The following CHD9 variants were observed in gnomAD, a reference collection of about 807,000 sequenced individuals.
CHD9 encodes the protein ATP-dependent chromatin remodeler CHD9.
Under a neutral mutation model 316.1 loss-of-function variants are expected in CHD9, and 77 were observed. That is an observed-to-expected ratio of 0.24 (90% confidence interval 0.20 to 0.29). The LOEUF is 0.29. CHD9 is among the 10% of genes least tolerant of loss of function. The pLI is 1.00. For missense variants in CHD9, 2,763 were observed against 3,438.1 expected, an observed-to-expected ratio of 0.80 and a Z score of 4.91; for synonymous variants, 1,129 against 1,158.3, an observed-to-expected ratio of 0.97 and a Z score of 0.51.
At chr16:53,070,532 C>CCTCT (rs113097253) in intron 1 of CHD9, among the ~76,000 whole-genome samples, 8 of 20,508 alleles carry the variant, frequency 3.9e-4, no homozygotes, top group Admixed American at 2.3e-3. Flanking sequence ...TTCCTTCCTT[C>CCTCT]CTCTCTCTCT....
chr16:53,128,184 AT>A (rs11289019), intron 1 of CHD9, among the ~76,000 whole-genome samples: 43,658 of 148,656 alleles, frequency 0.29, 6,362 homozygotes, highest in African/African-American at 0.31. Flanking sequence ...GAATGGAGAC[AT>A]TTTTTTTTTT....
chr16:53,115,182 C>T (rs2038196016), intron 1 of CHD9, among the ~76,000 whole-genome samples: 2 of 152,106 alleles, frequency 1.3e-5, no homozygotes, highest in African/African-American at 4.8e-5. Context: ...TTTATAGCAG[C>T]CTAGAGAATG....
rs754035901 is a variant in CHD9, at chr16:53,157,232, T to C, written c.1143T>C (p.Asn381=). ...MGHFNDHVET[N]GFSSLEENLL... ...ATTTCAATGATCATGTAGAAACTAATGGCTTTTCATCTTTAGAAGAGAATT... is the reference window on the plus strand; with the variant it reads ...ATTTCAATGATCATGTAGAAACTAACGGCTTTTCATCTTTAGAAGAGAATT... Residue 381 remains asparagine, a synonymous_variant, in exon 2 of 39, where the codon AAT becomes AAC. Transcript: ENST00000447540. 5 of 1,600,398 alleles carry C rather than the reference T, an allele frequency of 3.1e-6. No homozygotes were observed. The highest frequency in any genetic ancestry group is 1.7e-5 in the Admixed American group (1 of 57,430).
intron 1 of CHD9, among the ~76,000 whole-genome samples, chr16:53,099,507 G>A (rs959911500): frequency 2.5e-4 from 38 of 152,022 alleles, no homozygotes; most frequent in African/African-American, 8.9e-4. Flanking sequence ...CGAGGGGGAC[G>A]GCCCGCTCTG....
chr16:53,301,565 G>T (rs909906084), intron 30 of CHD9, among the ~76,000 whole-genome samples: 2 of 152,042 alleles, frequency 1.3e-5, no homozygotes, highest in African/African-American at 4.8e-5. Flanking sequence ...TGCACTGGTT[G>T]GGCACTGTAT....
At chr16:53,231,809 T>C (rs1267525041) in intron 10 of CHD9, 25 bp downstream of exon 10, 7 of 1,565,848 alleles carry the variant, frequency 4.5e-6, no homozygotes, top group East Asian at 2.2e-5. Context: ...TAGACAGCTT[T>C]ATAAAATCTT....
At chr16:53,265,066 A>G (rs1372471639) in intron 20 of CHD9, among the ~76,000 whole-genome samples, 1 of 152,208 alleles carries the variant, frequency 6.6e-6, no homozygotes, top group African/African-American at 2.4e-5. Flanking sequence ...CTGAAAATGT[A>G]CAATAAAGAC....
At chr16:53,195,694 G>A (rs1331574328) in intron 2 of CHD9, among the ~76,000 whole-genome samples, 2 of 149,106 alleles carry the variant, frequency 1.3e-5, no homozygotes, top group Non-Finnish European at 3.0e-5. Context: ...TTTTTTTTAA[G>A]TTTTATTTTG....
chr16:53,056,407 TGC>T (rs1318531502), intron 1 of CHD9, among the ~76,000 whole-genome samples: 25 of 152,332 alleles, frequency 1.6e-4, no homozygotes, highest in African/African-American at 5.3e-4. Context: ...AGGCTTTCTG[TGC>T]AGGGCCAAGT....
chr16:53,269,087 A>G (rs1321539243), intron 22 of CHD9, among the ~76,000 whole-genome samples: 1 of 152,062 alleles, frequency 6.6e-6, no homozygotes, highest in African/African-American at 2.4e-5. Context: ...GATCACAGAC[A>G]TGAGCCACCA....
At chr16:53,065,100 G>C (rs1249195214) in intron 1 of CHD9, among the ~76,000 whole-genome samples, 1 of 152,206 alleles carries the variant, frequency 6.6e-6, no homozygotes, top group African/African-American at 2.4e-5. Flanking sequence ...TCTCCTGTGG[G>C]AAAGTCAGAA....
At chr16:53,190,896 A>T (rs1165098948) in intron 2 of CHD9, among the ~76,000 whole-genome samples, 1 of 152,136 alleles carries the variant, frequency 6.6e-6, no homozygotes, top group Non-Finnish European at 1.5e-5. Flanking sequence ...GGGTAAAATT[A>T]ATCCTGTTAC....
At chr16:53,123,015 C>T (rs2038812916) in intron 1 of CHD9, among the ~76,000 whole-genome samples, 1 of 151,178 alleles carries the variant, frequency 6.6e-6, no homozygotes, top group Non-Finnish European at 1.5e-5. Flanking sequence ...CCGCGCCCGG[C>T]CCACACCCAG....
intron 36 of CHD9, among the ~76,000 whole-genome samples, chr16:53,316,719 G>GA (rs778079014): frequency 1.6e-4 from 24 of 152,118 alleles, no homozygotes; most frequent in Non-Finnish European, 3.1e-4. Context: ...ACATGGTGGA[G>GA]AGTATACTAT....
intron 29 of CHD9, among the ~76,000 whole-genome samples, chr16:53,295,142 C>T (rs924661630): frequency 2.0e-5 from 3 of 151,890 alleles, no homozygotes; most frequent in Non-Finnish European, 4.4e-5. Context: ...TTTTTTCTTT[C>T]TTGAGACGGA....
intron 1 of CHD9, among the ~76,000 whole-genome samples, chr16:53,138,427 G>C: frequency 6.6e-6 from 1 of 152,138 alleles, no homozygotes; most frequent in East Asian, 1.9e-4. Context: ...TCACTGCGTA[G>C]AAACTTACAT....
chr16:53,112,446 T>C (rs1004047867), intron 1 of CHD9, among the ~76,000 whole-genome samples: 9 of 152,212 alleles, frequency 5.9e-5, no homozygotes, highest in African/African-American at 2.2e-4. Context: ...GAAATTACTT[T>C]CCCTGTTTGT....
chr16:53,110,849 C>T (rs1460753358), intron 1 of CHD9, among the ~76,000 whole-genome samples: 4 of 152,122 alleles, frequency 2.6e-5, no homozygotes, highest in African/African-American at 4.8e-5. Context: ...GTTAAAGACA[C>T]GGTGTGGGCC....
chr16:53,206,873 T>A (rs987750016), intron 2 of CHD9, among the ~76,000 whole-genome samples: 2 of 152,218 alleles, frequency 1.3e-5, no homozygotes, highest in Non-Finnish European at 2.9e-5. Context: ...ACATTAGTTA[T>A]TAAATGTAAA....
Sources: gnomAD v4.1 joint callset for allele counts (sites outside exome capture counted in the v4.1 genomes callset) on GRCh38, gnomAD v4.1.1 for gene constraint, MANE v1.5 for transcripts, NCBI Gene and HGNC (gene_info 2026-07-23, HGNC 2026-07-21) for gene names.